Variants in HAPLN4 observed in about 807,000 individuals in gnomAD.
The protein encoded by HAPLN4 is brain link protein 2.
Under a neutral mutation model 28.0 loss-of-function variants are expected in HAPLN4, and 19 were observed. That is an observed-to-expected ratio of 0.68 (90% CI 0.47 to 1.00). HAPLN4 has a LOEUF of 1.00. HAPLN4 is among the 50% of genes least tolerant of loss of function. The pLI is 0.00. For synonymous variants in HAPLN4, 274 were observed against 273.0 expected (o/e 1.00, Z -0.03); for missense variants, 587 against 602.6 (o/e 0.97, Z 0.27).
At chr19:19,261,960 AG>A (rs1460683126) in intron 1 of HAPLN4, among the ~76,000 whole-genome samples, 2 of 146,232 alleles carry the variant, frequency 1.4e-5, no homozygotes, top group Non-Finnish European at 3.0e-5. Context: ...GCGGGCAGGG[AG>A]GGGGGAGAGC....
intron 1 of HAPLN4, among the ~76,000 whole-genome samples, chr19:19,261,992 C>T (rs1171299992): frequency 6.6e-6 from 1 of 151,464 alleles, no homozygotes; most frequent in Non-Finnish European, 1.5e-5. Flanking sequence ...GAGGGAGAGA[C>T]GCGGGGAGAG....
In HAPLN4 at chr19:19,257,700, A is replaced by C; in HGVS notation, c.*117T>G. The C allele has an allele frequency of 2.4e-6, 3 of 1,224,614 alleles. No individual in the cohort carries two copies. Among genetic ancestry groups the C allele is most frequent in the Non-Finnish European group, 3.1e-6 (3 of 954,694 alleles). 75.9% of individuals were successfully genotyped at this position (1,224,614 alleles called of 1,614,324 possible). A position where few individuals can be genotyped will look rare whatever the true frequency, so the allele number is the denominator to read the frequency against. On this transcript the variant is annotated 3_prime_UTR_variant, in exon 5 of 5. Transcript: ENST00000291481. ...GACCCCAGGGGCACAGTTAGTTTGT[A>C]AGGGACCACAGGGAATGTGGCCAGT...
In HAPLN4 at chr19:19,258,266, T is replaced by C; in HGVS notation, c.818-58A>G. On this transcript the variant is annotated intron_variant, in intron 4 of 4. Transcript: ENST00000291481. The surrounding 1 kb of genome is among the most constrained non-coding windows in gnomAD (Gnocchi z 6.2). Reference sequence around the variant, plus strand: ...TGCGGCTCCTGGGACCCTGCTTCGGTGGGATTCAGGACTGCCCCCCGCATG... The same window carrying C: ...TGCGGCTCCTGGGACCCTGCTTCGGCGGGATTCAGGACTGCCCCCCGCATG... 4.9e-6 allele frequency: 7 copies of C among 1,422,948 alleles called. No individual in the cohort carries two copies. Among genetic ancestry groups the C allele is most frequent in the Non-Finnish European group, 6.5e-6 (7 of 1,079,878 alleles). The allele number at this position is 1,422,948 out of a possible 1,614,324, so 88.1% of individuals were successfully genotyped here. A position where few individuals can be genotyped will look rare whatever the true frequency, so the allele number is the denominator to read the frequency against.
Position 19,258,597 on chromosome 19 carries a change from C to G in HAPLN4, c.743G>C (p.Gly248Ala). The G allele has an allele frequency of 1.2e-6, 2 of 1,613,554 alleles. No homozygotes were observed. The highest frequency in any genetic ancestry group is 1.7e-6 in the Non-Finnish European group (2 of 1,179,824). ...ATGGCGATACCCGTAGTTGCGCAGG[C>G]CCCCGTTGGCATCACCGCCGCCCCC... ...SAGGGGDANG[G>A]LRNYGYRHNA... The change falls in exon 4 of 5, where the codon GGC becomes GCC. Residue 248 changes from glycine to alanine, a missense_variant. Gly to Ala is a moderately conservative substitution (Grantham distance 60). Transcript: ENST00000291481. The surrounding 1 kb of genome is among the most constrained non-coding windows in gnomAD (Gnocchi z 6.2).
At chr19:19,261,729 A>C (rs2060984233) in intron 1 of HAPLN4, 166 bp from the exon 2 acceptor site, 3 of 537,524 alleles carry the variant, frequency 5.6e-6, no homozygotes, top group Non-Finnish European at 9.7e-6. Flanking sequence ...TTGGGACCTC[A>C]CATCCTAGCT....
At position 19,258,220 on chromosome 19, in the gene HAPLN4, A is replaced by T. The variant is rs1599832092; in HGVS notation, c.818-12T>A. On this transcript the variant is annotated splice_polypyrimidine_tract_variant and intron_variant, in intron 4 of 4. Transcript: ENST00000291481. This position sits in a 1 kb window ranked among gnomAD's most constrained non-coding sequence, Gnocchi z 6.2. Reference sequence around the variant, plus strand: ...GAAGAACACGCGCCCTGCGGGGGTGAGGTGGGGGGTGGGTTATTAGTGCGG... The same window carrying T: ...GAAGAACACGCGCCCTGCGGGGGTGTGGTGGGGGGTGGGTTATTAGTGCGG... The T allele has an allele frequency of 6.8e-7, 1 of 1,469,792 alleles. No homozygotes were observed. The highest frequency in any genetic ancestry group is 9.0e-7 in the Non-Finnish European group (1 of 1,111,568). 91.0% of individuals were successfully genotyped at this position (1,469,792 alleles called of 1,614,324 possible).
chr19:19,261,270 CG>C, intron 2 of HAPLN4, 95 bp from the exon 3 acceptor site: 1 of 1,230,428 alleles, frequency 8.1e-7, no homozygotes, highest in East Asian at 2.6e-5. Flanking sequence ...TGGGAAGACT[CG>C]GGTGGGGGTC....
Position 19,257,917 on chromosome 19 carries a change from G to T in HAPLN4, c.1109C>A (p.Pro370Gln). The T allele has an allele frequency of 6.6e-7, 1 of 1,504,530 alleles. No individual in the cohort carries two copies. The highest frequency in any genetic ancestry group is 2.7e-5 in the East Asian group (1 of 37,670). The allele number at this position is 1,504,530 out of a possible 1,614,324, so 93.2% of individuals were successfully genotyped here. Residue 370 changes from proline (P) to glutamine (Q), a missense_variant, in exon 5 of 5, where the codon CCG becomes CAG. Physicochemically the swap from Pro to Gln is moderately conservative, Grantham distance 76 (BLOSUM62 -1). Coordinates refer to ENST00000291481, the MANE Select transcript of HAPLN4 (RefSeq NM_023002.3). ...GCCCCAGCCGCCAGGTGCCGGGTCC[G>T]GTGCTCCTGGAGCGCGGTAGCAGTA... ...GVYCYRAPGA[P>Q]DPAPGGWGWG... is the part of the protein sequence containing the mutation.
chr19:19,260,208 T>A (rs2060978450), intron 3 of HAPLN4, among the ~76,000 whole-genome samples: 1 of 152,120 alleles, frequency 6.6e-6, no homozygotes, highest in Non-Finnish European at 1.5e-5. Flanking sequence ...TATTTTATTT[T>A]ATTTATGTAT....
At chr19:19,260,677 G>T (rs760347149) in intron 3 of HAPLN4, 136 bp downstream of exon 3, 3 of 1,057,592 alleles carry the variant, frequency 2.8e-6, no homozygotes, top group Non-Finnish European at 4.1e-6. Context: ...AAATCACCCA[G>T]AACCAGATAT....
rs752756787 is a variant in HAPLN4, at chr19:19,258,635, C to A, written c.705G>T (p.Gly235=). 3 of 1,609,610 alleles carry A rather than the reference C, an allele frequency of 1.9e-6. No individual in the cohort carries two copies. The highest frequency in any genetic ancestry group is 2.2e-5 in the East Asian group (1 of 44,822). ...RPREPCGGLG[G]TGSAGGGGDA... ...CACCGCCGCCCCCTGCACTCCCGGT[C>A]CCCCCCAGGCCGCCGCAGGGCTCCC... is the stretch of plus-strand genomic sequence containing the variant. Residue 235 remains glycine, a synonymous_variant, in exon 4 of 5, where the codon GGG becomes GGT. Transcript: ENST00000291481. This position sits in a 1 kb window ranked among gnomAD's most constrained non-coding sequence, Gnocchi z 6.2.
rs1052862070 is a variant in HAPLN4 at position 19,257,238 on chromosome 19, G to A, written c.*579C>T. ...GGAGAATGGGAGTCTCCAGGACTCA[G>A]GTCACCATAAGGGAAAATAAGCGCC... On this transcript the variant is annotated 3_prime_UTR_variant, in exon 5 of 5. Coordinates refer to ENST00000291481, the MANE Select transcript of HAPLN4 (RefSeq NM_023002.3). 1.3e-5 allele frequency: 2 copies of A among 152,236 alleles called. No homozygotes were observed. Among genetic ancestry groups the A allele is most frequent in the African/African-American group, 4.8e-5 (2 of 41,398 alleles). 9.4% of individuals were successfully genotyped at this position (152,236 alleles called of 1,614,324 possible). A position where few individuals can be genotyped will look rare whatever the true frequency, so the allele number is the denominator to read the frequency against.
Position 19,257,469 on chromosome 19 carries a change from T to G in HAPLN4, c.*348A>C. 4 of 235,700 alleles carry G rather than the reference T, an allele frequency of 1.7e-5. No homozygotes were observed. The highest frequency in any genetic ancestry group is 3.3e-5 in the Non-Finnish European group (4 of 122,730). 14.6% of individuals were successfully genotyped at this position (235,700 alleles called of 1,614,324 possible). On this transcript the variant is annotated 3_prime_UTR_variant, in exon 5 of 5. Coordinates refer to ENST00000291481, the MANE Select transcript of HAPLN4 (RefSeq NM_023002.3). ...AGCCACCAGGCGACCACGGGGGCAG[T>G]TGGTCTGTTTCCAAGTGGTCTCAGG...
rs2146569149 is a variant in HAPLN4 at position 19,258,290 on chromosome 19, T to C, written c.818-82A>G. The C allele has an allele frequency of 3.7e-6, 5 of 1,354,772 alleles. No homozygotes were observed. The highest frequency in any genetic ancestry group is 4.9e-6 in the Non-Finnish European group (5 of 1,021,388). 83.9% of individuals were successfully genotyped at this position (1,354,772 alleles called of 1,614,324 possible). On this transcript the variant is annotated intron_variant, in intron 4 of 4. Transcript: ENST00000291481. This position sits in a 1 kb window ranked among gnomAD's most constrained non-coding sequence, Gnocchi z 6.2. ...GTGGGATTCAGGACTGCCCCCCGCA[T>C]GCAGCCTAGGACTCTGGCCTCGGCC... is the stretch of plus-strand genomic sequence containing the variant.
At chr19:19,259,484 G>A (rs2060976839) in intron 3 of HAPLN4, among the ~76,000 whole-genome samples, 1 of 152,110 alleles carries the variant, frequency 6.6e-6, no homozygotes, top group African/African-American at 2.4e-5. Flanking sequence ...GGGTGAGTGG[G>A]GTACCCTGGA....
chr19:19,259,888 G>C (rs781625474), intron 3 of HAPLN4, among the ~76,000 whole-genome samples: 18 of 152,194 alleles, frequency 1.2e-4, no homozygotes, highest in Non-Finnish European at 7.3e-5. Flanking sequence ...GAGCCAATCA[G>C]AGCATCCCAT....
chr19:19,262,461 A>G (rs920969402), intron 1 of HAPLN4, among the ~76,000 whole-genome samples: 6 of 151,698 alleles, frequency 4.0e-5, no homozygotes, highest in Non-Finnish European at 7.4e-5. Context: ...AGAGACTCAG[A>G]GAAGAGGAGG....
Position 19,261,060 on chromosome 19 carries a change from G to A in HAPLN4, c.237C>T (p.His79=), listed in dbSNP as rs770575623. Residue 79 remains histidine (H), a synonymous_variant, in exon 3 of 5, where the codon CAC becomes CAT. Transcript: ENST00000291481. ...RYHYEAAAHG[H]DGVRLKWTKV... Reference sequence around the variant, plus strand: ...TTGTCCACTTGAGCCGGACGCCGTCGTGACCGTGGGCGGCTGCCTCATAGT... The same window carrying A: ...TTGTCCACTTGAGCCGGACGCCGTCATGACCGTGGGCGGCTGCCTCATAGT... 1.2e-6 allele frequency: 2 copies of A among 1,613,152 alleles called. No homozygotes were observed. The highest frequency in any genetic ancestry group is 2.2e-5 in the South Asian group (2 of 91,078).
rs2060982685 is a variant in HAPLN4 at position 19,261,329 on chromosome 19, G to A, written c.121+117C>T. The A allele has an allele frequency of 2.4e-6, 3 of 1,241,538 alleles. No homozygotes were observed. In the African/African-American group the frequency reaches 4.4e-5, roughly 18 times the overall value. The allele number at this position is 1,241,538 out of a possible 1,614,324, so 76.9% of individuals were successfully genotyped here. A position where few individuals can be genotyped will look rare whatever the true frequency, so the allele number is the denominator to read the frequency against. On this transcript the variant is annotated intron_variant, in intron 2 of 4. Transcript: ENST00000291481. ...GCTCAGGGAGAGGGCGAGGGGCTCA[G>A]ATGGGGAGTGGCTGGGGGAACCGCG...
Sources: allele counts gnomAD v4.1 joint callset (sites outside exome capture counted in the v4.1 genomes callset), GRCh38; gene constraint gnomAD v4.1.1; non-coding constraint Gnocchi (gnomAD v3.1); transcripts MANE v1.5; gene names NCBI Gene and HGNC (gene_info 2026-07-23, HGNC 2026-07-21).